INPP4B: variants seen among roughly 807,000 people sequenced by gnomAD.
INPP4B encodes inositol polyphosphate 4-phosphatase type II.
INPP4B carries 55 observed loss-of-function variants against 122.5 expected under a neutral mutation model. The ratio of observed to expected loss-of-function variants is 0.45; its 90% CI spans 0.36 to 0.56. The LOEUF (loss-of-function observed/expected upper bound fraction) is 0.56, where lower values mean the gene tolerates loss of function less well. Ranked by LOEUF, INPP4B falls within the 20% of genes least tolerant of loss-of-function variation. The pLI, the probability that INPP4B is intolerant of heterozygous loss-of-function variation, is 0.00. For synonymous variants in INPP4B, 403 were observed against 388.7 expected (o/e 1.04, Z -0.43); for missense variants, 1,000 against 1,097.7 (o/e 0.91, Z 1.26).
chr4:142,684,522 A>G (rs1759080688), intron 2 of INPP4B, among the ~76,000 whole-genome samples: 1 of 151,982 alleles, frequency 6.6e-6, no homozygotes, highest in Non-Finnish European at 1.5e-5. Context: ...CCTCCTACTT[A>G]GGCAAAAGGA....
At chr4:142,416,424 C>T (rs910710190) in intron 5 of INPP4B, among the ~76,000 whole-genome samples, 2 of 152,010 alleles carry the variant, frequency 1.3e-5, no homozygotes, top group African/African-American at 2.4e-5. Flanking sequence ...TGGTTAAGGG[C>T]TTGAATTTTA....
intron 1 of INPP4B, among the ~76,000 whole-genome samples, chr4:142,769,129 C>CAACA (rs1772619578): frequency 6.6e-6 from 1 of 152,152 alleles, no homozygotes; most frequent in Non-Finnish European, 1.5e-5. Flanking sequence ...CCCCAGGTTT[C>CAACA]TGTGTTAAGT....
chr4:142,438,329 G>A (rs993333297), intron 3 of INPP4B, among the ~76,000 whole-genome samples: 1 of 152,222 alleles, frequency 6.6e-6, no homozygotes, highest in African/African-American at 2.4e-5. Flanking sequence ...AACCAAAACA[G>A]CATGGTACTG....
intron 2 of INPP4B, among the ~76,000 whole-genome samples, chr4:142,662,834 A>G (rs1755435425): frequency 6.6e-6 from 1 of 152,244 alleles, no homozygotes. Context: ...AAAGTAAAAG[A>G]AAATTTGACA....
chr4:142,595,847 GTATTTATT>G (rs567884931), intron 2 of INPP4B, among the ~76,000 whole-genome samples: 1 of 152,008 alleles, frequency 6.6e-6, no homozygotes, highest in South Asian at 2.1e-4. Context: ...TAGATTCTAT[GTATTTATT>G]TATTTATTTA....
chr4:142,578,380 G>A (rs889815112), intron 2 of INPP4B, among the ~76,000 whole-genome samples: 5 of 151,912 alleles, frequency 3.3e-5, no homozygotes, highest in African/African-American at 1.2e-4. Flanking sequence ...GTCTGCTAGG[G>A]CTGCCTAACA....
At chr4:142,687,696 G>A (rs1225133197) in intron 2 of INPP4B, among the ~76,000 whole-genome samples, 1 of 152,024 alleles carries the variant, frequency 6.6e-6, no homozygotes, top group Non-Finnish European at 1.5e-5. Context: ...GTAAGTGGGA[G>A]GCATGGAATT....
chr4:142,530,023 G>A (rs1827397815), intron 2 of INPP4B, among the ~76,000 whole-genome samples: 1 of 152,098 alleles, frequency 6.6e-6, no homozygotes, highest in Admixed American at 6.6e-5. Flanking sequence ...CAGGGGGCAG[G>A]AACATGCAAT....
rs1437610351 is a variant in INPP4B at position 142,145,904 on chromosome 4, A to G, written c.1656T>C (p.Ser552=). Residue 552 remains serine, a synonymous_variant, in exon 18 of 26, where the codon AGT becomes AGC. Transcript: ENST00000262992. The part of the protein sequence containing the change: ...LIERDGGSEG[S]GGNNDGEKEP... ...CCTTTTCTCCATCATTGTTGCCGCC[A>G]CTGCCTTCACTGCCACCATCTCTTT... 3 of 1,613,752 alleles carry G rather than the reference A, an allele frequency of 1.9e-6. No homozygotes were observed. The East Asian group carries it at 6.7e-5, about 36-fold the overall frequency.
intron 2 of INPP4B, among the ~76,000 whole-genome samples, chr4:142,640,419 T>C (rs1750134912): frequency 6.6e-6 from 1 of 152,126 alleles, no homozygotes; most frequent in Non-Finnish European, 1.5e-5. Flanking sequence ...AAGTTGACAC[T>C]GTAGAGCTGT....
chr4:142,286,131 C>T (rs1026058634), intron 9 of INPP4B, among the ~76,000 whole-genome samples: 2 of 152,110 alleles, frequency 1.3e-5, no homozygotes, highest in African/African-American at 4.8e-5. Flanking sequence ...TACGTGGAAA[C>T]AGTATTCCGC....
At chr4:142,165,919 G>A (rs1049840354) in intron 16 of INPP4B, among the ~76,000 whole-genome samples, 1 of 151,680 alleles carries the variant, frequency 6.6e-6, no homozygotes, top group Non-Finnish European at 1.5e-5. Flanking sequence ...TGTTCTGGTA[G>A]GTGGCTAAGG....
At chr4:142,539,903 A>AAACG (rs1828735219) in intron 2 of INPP4B, among the ~76,000 whole-genome samples, 1 of 152,076 alleles carries the variant, frequency 6.6e-6, no homozygotes, top group Non-Finnish European at 1.5e-5. Flanking sequence ...GTTTTTAGTG[A>AAACG]AACGAACAAT....
intron 7 of INPP4B, among the ~76,000 whole-genome samples, chr4:142,380,882 A>G (rs1187452248): frequency 2.6e-5 from 4 of 152,062 alleles, no homozygotes; most frequent in Non-Finnish European, 4.4e-5. Context: ...GCTTTTCCCA[A>G]TCATGCAATA....
At chr4:142,344,199 G>C (rs185075471) in intron 7 of INPP4B, among the ~76,000 whole-genome samples, 67 of 152,072 alleles carry the variant, frequency 4.4e-4, no homozygotes, top group Non-Finnish European at 8.7e-4. Context: ...ACAGAAATAA[G>C]AGATATCTTT....
At position 142,359,942 on chromosome 4, in the gene INPP4B, T is replaced by C. The variant is rs189330132; in HGVS notation, c.372+42996A>G. Among the ~76,000 whole-genome samples the C allele has an allele frequency of 1.5e-3, 225 of 152,096 alleles. 1 individual carries two copies. The highest frequency in any genetic ancestry group is 5.0e-3 in the African/African-American group (206 of 41,534). ...TGTTTTCTGTGCCCATTTAAAAAAATGGAACTTCTGAAAACTATTATTACA... is the reference window on the plus strand; with the variant it reads ...TGTTTTCTGTGCCCATTTAAAAAAACGGAACTTCTGAAAACTATTATTACA... On this transcript the variant is annotated intron_variant, in intron 7 of 25. Coordinates refer to ENST00000262992, the MANE Select transcript of INPP4B (RefSeq NM_001101669.3).
intron 11 of INPP4B, among the ~76,000 whole-genome samples, chr4:142,252,708 GATT>G (rs1384886306): frequency 3.3e-5 from 5 of 152,154 alleles, no homozygotes; most frequent in Non-Finnish European, 7.4e-5. Flanking sequence ...GTACAAATGT[GATT>G]ATTAAGTTTT....
At chr4:142,429,965 G>A (rs1808934480) in intron 4 of INPP4B, among the ~76,000 whole-genome samples, 1 of 151,972 alleles carries the variant, frequency 6.6e-6, no homozygotes, top group Non-Finnish European at 1.5e-5. Flanking sequence ...ATGAACGGGA[G>A]GCCATTTGTT....
At chr4:142,358,729 C>T (rs1166589371) in intron 7 of INPP4B, among the ~76,000 whole-genome samples, 1 of 151,074 alleles carries the variant, frequency 6.6e-6, no homozygotes, top group African/African-American at 2.4e-5. Context: ...CAGTATCTCT[C>T]AAATTCCTCC....
Sources: gnomAD v4.1 joint callset for allele counts (sites outside exome capture counted in the v4.1 genomes callset) on GRCh38, gnomAD v4.1.1 for gene constraint, MANE v1.5 for transcripts, NCBI Gene and HGNC (gene_info 2026-07-23, HGNC 2026-07-21) for gene names.